Variants in THSD7B observed in about 807,000 individuals in gnomAD.
The protein encoded by THSD7B is thrombospondin type-1 domain-containing protein 7B.
THSD7B carries 138 observed loss-of-function variants against 213.6 expected under a neutral mutation model. The ratio of observed to expected loss-of-function variants is 0.65; its 90% CI spans 0.56 to 0.74. The LOEUF is 0.74. THSD7B is among the 30% of genes least tolerant of loss of function. The pLI is 0.00. For synonymous variants in THSD7B, 742 were observed against 687.0 expected (o/e 1.08, Z -1.25); for missense variants, 1,931 against 1,991.5 (o/e 0.97, Z 0.58).
chr2:136,855,513 C>T (rs1217810889), intron 1 of THSD7B, among the ~76,000 whole-genome samples: 8 of 152,144 alleles, frequency 5.3e-5, no homozygotes, highest in Non-Finnish European at 7.4e-5. Flanking sequence ...GCAGCCTCCA[C>T]CTCCCAGGTT....
rs137892635 is a variant in THSD7B, at chr2:137,588,760, C to CTTTATTTA, written c.3423+16236_3423+16243dup. On this transcript the variant is annotated intron_variant, in intron 17 of 27. Coordinates refer to ENST00000409968, the MANE Select transcript of THSD7B (RefSeq NM_001316349.2). ...TATTGGTATGTTGACTCATGTTGTCCTTTATTTATTTATTTATTTATTTAT... is the reference window on the plus strand; with the variant it reads ...TATTGGTATGTTGACTCATGTTGTCCTTTATTTATTTATTTATTTATTTATTTATTTAT... Among the ~76,000 whole-genome samples the CTTTATTTA allele has an allele frequency of 4.4e-3, 642 of 147,074 alleles. 4 individuals are homozygous for CTTTATTTA. Among genetic ancestry groups the CTTTATTTA allele is most frequent in the Middle Eastern group, 6.9e-3 (2 of 288 alleles).
intron 10 of THSD7B, among the ~76,000 whole-genome samples, chr2:137,254,919 A>G (rs1052699077): frequency 8.6e-5 from 13 of 151,954 alleles, no homozygotes; most frequent in Admixed American, 2.6e-4. Context: ...CGAGACAGAG[A>G]AAGAGTGAGG....
chr2:137,277,731 G>A (rs151083621), intron 12 of THSD7B, among the ~76,000 whole-genome samples: 3 of 152,236 alleles, frequency 2.0e-5, no homozygotes, highest in African/African-American at 7.2e-5. Flanking sequence ...GTTGGCAAGG[G>A]TGAAGCTGTG....
intron 1 of THSD7B, among the ~76,000 whole-genome samples, chr2:136,856,900 G>A (rs563754988): frequency 3.3e-5 from 5 of 152,198 alleles, no homozygotes; most frequent in Admixed American, 2.6e-4. Context: ...CCCAAAGAGA[G>A]AAAGAGAATG....
chr2:137,300,156 T>G (rs1462717410), intron 12 of THSD7B, among the ~76,000 whole-genome samples: 1 of 152,190 alleles, frequency 6.6e-6, no homozygotes, highest in Non-Finnish European at 1.5e-5. Flanking sequence ...TTTATTATAC[T>G]TAGCATTTAT....
At chr2:136,981,325 G>A (rs1685573886) in intron 2 of THSD7B, among the ~76,000 whole-genome samples, 1 of 152,126 alleles carries the variant, frequency 6.6e-6, no homozygotes, top group Admixed American at 6.5e-5. Flanking sequence ...ATTAAAGAGA[G>A]CAGAATATTG....
At chr2:137,668,403 A>G (rs139292888) in intron 27 of THSD7B, among the ~76,000 whole-genome samples, 1 of 151,986 alleles carries the variant, frequency 6.6e-6, no homozygotes, top group Non-Finnish European at 1.5e-5. Context: ...TTGTTTTGCT[A>G]TATTGACCAG....
chr2:136,938,231 A>T lies in THSD7B; in HGVS notation c.139+55914A>T, dbSNP rs117667530. On this transcript the variant is annotated intron_variant, in intron 2 of 27. Coordinates refer to ENST00000409968, the MANE Select transcript of THSD7B (RefSeq NM_001316349.2). ...CATCCTTTCTAAACAGCAGATTGTGAGATTTTAAGGGGAGTCAAGTTTGAA... is the reference window on the plus strand; with the variant it reads ...CATCCTTTCTAAACAGCAGATTGTGTGATTTTAAGGGGAGTCAAGTTTGAA... Among the ~76,000 whole-genome samples, 266 of 152,282 alleles carry T rather than the reference A, an allele frequency of 1.7e-3. 4 individuals are homozygous for T. The East Asian group carries it at 0.046, about 26-fold the overall frequency.
chr2:136,955,689 G>T (rs534563019), intron 2 of THSD7B, among the ~76,000 whole-genome samples: 58 of 152,306 alleles, frequency 3.8e-4, no homozygotes, highest in African/African-American at 1.4e-3. Flanking sequence ...GAATGTAAAA[G>T]CAGGGCAATC....
intron 12 of THSD7B, among the ~76,000 whole-genome samples, chr2:137,356,539 C>A (rs1685132101): frequency 6.6e-6 from 1 of 152,172 alleles, no homozygotes; most frequent in Admixed American, 6.5e-5. Context: ...TAGTCCCCTC[C>A]AACACTGATT....
intron 15 of THSD7B, among the ~76,000 whole-genome samples, chr2:137,476,795 C>T (rs1688203956): frequency 6.6e-6 from 1 of 152,174 alleles, no homozygotes; most frequent in Non-Finnish European, 1.5e-5. Context: ...CCACTTCGAC[C>T]TCCCAAAGTG....
intron 5 of THSD7B, among the ~76,000 whole-genome samples, chr2:137,130,965 A>C (rs1293581532): frequency 6.6e-6 from 1 of 151,692 alleles, no homozygotes; most frequent in Admixed American, 6.6e-5. Context: ...CTGACTTCTA[A>C]AATGGTTGAA....
At chr2:136,770,047 C>G (rs1166444330) in intron 1 of THSD7B, among the ~76,000 whole-genome samples, 1 of 152,188 alleles carries the variant, frequency 6.6e-6, no homozygotes, top group Non-Finnish European at 1.5e-5. Context: ...GTTCCACTTG[C>G]CTGCATGAGG....
At chr2:137,312,766 C>A (rs1371491751) in intron 12 of THSD7B, among the ~76,000 whole-genome samples, 1 of 150,378 alleles carries the variant, frequency 6.6e-6, no homozygotes, top group Non-Finnish European at 1.5e-5. Context: ...CATTATGTAC[C>A]CAGTAGTCAT....
At chr2:137,665,593 TA>T (rs1238215006) in intron 26 of THSD7B, among the ~76,000 whole-genome samples, 1 of 152,060 alleles carries the variant, frequency 6.6e-6, no homozygotes, top group Non-Finnish European at 1.5e-5. Flanking sequence ...GCCATACTAA[TA>T]TACTTATTTA....
At position 137,658,095 on chromosome 2, in the gene THSD7B, G is replaced by T. The variant is rs965335359; in HGVS notation, c.4375+935G>T. On this transcript the variant is annotated intron_variant, in intron 24 of 27. Coordinates refer to ENST00000409968, the MANE Select transcript of THSD7B (RefSeq NM_001316349.2). The stretch of plus-strand genomic sequence containing the variant: ...TAGTACTATCGTTTACAGAGAGCTT[G>T]TGCAAGAGCTGAAATGCCTATAGGA... Among the ~76,000 whole-genome samples the T allele has an allele frequency of 1.1e-4, 16 of 152,222 alleles. 1 individual carries two copies.
At chr2:137,182,702 C>G (rs144064278) in intron 7 of THSD7B, among the ~76,000 whole-genome samples, 46 of 152,194 alleles carry the variant, frequency 3.0e-4, no homozygotes, top group Admixed American at 9.8e-4. Context: ...TACTGATGAC[C>G]GGATTCCCAG....
chr2:136,925,911 A>T (rs1382425534), intron 2 of THSD7B, among the ~76,000 whole-genome samples: 1 of 152,190 alleles, frequency 6.6e-6, no homozygotes, highest in Non-Finnish European at 1.5e-5. Flanking sequence ...CCTCCTAAAC[A>T]CACATTTTAC....
chr2:137,672,667 G>C (rs1265151148), intron 27 of THSD7B, among the ~76,000 whole-genome samples: 2 of 152,212 alleles, frequency 1.3e-5, no homozygotes, highest in East Asian at 3.9e-4. Flanking sequence ...TTATATTTTT[G>C]CCAAAAACAG....
Sources: allele counts gnomAD v4.1 joint callset (sites outside exome capture counted in the v4.1 genomes callset), GRCh38; gene constraint gnomAD v4.1.1; transcripts MANE v1.5; gene names NCBI Gene and HGNC (gene_info 2026-07-23, HGNC 2026-07-21).